Variants in BBS9 observed in about 807,000 individuals in gnomAD.
The protein encoded by BBS9 is Bardet-Biedl syndrome 9, also known as protein PTHB1.
Under a neutral mutation model 117.7 loss-of-function variants are expected in BBS9, and 89 were observed. The observed-to-expected ratio is 0.76, with a 90% CI of 0.64 to 0.90. The LOEUF (loss-of-function observed/expected upper bound fraction) is 0.90, where lower values mean the gene tolerates loss of function less well. Among genes scored for constraint, BBS9 ranks in the 40% least tolerant of loss-of-function variants. BBS9 has a pLI of 0.00. For missense variants in BBS9, 982 were observed against 1,042.2 expected (o/e 0.94, Z 0.80); for synonymous variants, 379 against 370.9 (o/e 1.02, Z -0.25).
At chr7:33,517,691 T>C (rs1207501767) in intron 20 of BBS9, among the ~76,000 whole-genome samples, 2 of 152,138 alleles carry the variant, frequency 1.3e-5, no homozygotes, top group Admixed American at 1.3e-4. Flanking sequence ...TAGTTCCAAT[T>C]TATAGATGAG....
chr7:33,148,749 C>T (rs1792823405), intron 2 of BBS9, among the ~76,000 whole-genome samples: 1 of 151,062 alleles, frequency 6.6e-6, no homozygotes, highest in African/African-American at 2.4e-5. Flanking sequence ...ACTGCAGCCT[C>T]AACCTCCCAG....
Position 33,578,385 on chromosome 7 carries a change from G to A in BBS9, c.2522-26480G>A, listed in dbSNP as rs540959514. Among the ~76,000 whole-genome samples the A allele has an allele frequency of 4.6e-5, 7 of 152,336 alleles. No individual in the cohort carries two copies. In the South Asian group the frequency reaches 6.2e-4, roughly 14 times the overall value. ...GACACTCCCAAGTGGGATGACTTGC[G>A]ATCCCAGAAATCACAATAGTTGTTC... On this transcript the variant is annotated intron_variant, in intron 21 of 22. Coordinates refer to ENST00000242067, the MANE Select transcript of BBS9 (RefSeq NM_198428.3).
chr7:33,288,664 C>T (rs574277067), intron 9 of BBS9, among the ~76,000 whole-genome samples: 1 of 151,994 alleles, frequency 6.6e-6, no homozygotes, highest in Non-Finnish European at 1.5e-5. Context: ...TGATAGTTAG[C>T]ATGAAGTATA....
At chr7:33,254,064 A>C (rs2128306612) in intron 5 of BBS9, among the ~76,000 whole-genome samples, 1 of 152,270 alleles carries the variant, frequency 6.6e-6, no homozygotes, top group South Asian at 2.1e-4. Flanking sequence ...TCTCTTTTTG[A>C]GATATATAGG....
intron 7 of BBS9, among the ~76,000 whole-genome samples, chr7:33,264,661 AT>A (rs1798514985): frequency 6.6e-6 from 1 of 152,144 alleles, no homozygotes; most frequent in Non-Finnish European, 1.5e-5. Context: ...CATTAAAAAA[AT>A]CTCTCCTTAA....
chr7:33,458,862 G>A (rs1839030534), intron 19 of BBS9, among the ~76,000 whole-genome samples: 1 of 152,134 alleles, frequency 6.6e-6, no homozygotes, highest in South Asian at 2.1e-4. Flanking sequence ...TGGGATTCCA[G>A]AAACTGTAGC....
chr7:33,217,679 G>A (rs1354736234), intron 5 of BBS9, among the ~76,000 whole-genome samples: 1 of 152,220 alleles, frequency 6.6e-6, no homozygotes, highest in Non-Finnish European at 1.5e-5. Context: ...CCAGTCTGAT[G>A]TTTAAAAGAA....
chr7:33,581,402 G>C (rs1859889650), intron 21 of BBS9, among the ~76,000 whole-genome samples: 1 of 151,992 alleles, frequency 6.6e-6, no homozygotes, highest in African/African-American at 2.4e-5. Context: ...CTTTACCTCA[G>C]CCTTAACTTG....
intron 21 of BBS9, among the ~76,000 whole-genome samples, chr7:33,546,642 C>G (rs1209589635): frequency 6.6e-6 from 1 of 152,124 alleles, no homozygotes; most frequent in East Asian, 1.9e-4. Context: ...ACTCATTATT[C>G]TCCACACACA....
At chr7:33,486,808 T>C (rs1049856162) in intron 19 of BBS9, among the ~76,000 whole-genome samples, 2 of 152,200 alleles carry the variant, frequency 1.3e-5, no homozygotes, top group African/African-American at 4.8e-5. Context: ...GCCATTCAGG[T>C]GAAAAGGGGA....
At chr7:33,429,971 A>G (rs1834198894) in intron 19 of BBS9, among the ~76,000 whole-genome samples, 1 of 152,202 alleles carries the variant, frequency 6.6e-6, no homozygotes, top group Non-Finnish European at 1.5e-5. Context: ...CTTGTGGCCC[A>G]TGAGGAAAGG....
At chr7:33,191,422 G>A (rs1784099288) in intron 5 of BBS9, among the ~76,000 whole-genome samples, 1 of 152,158 alleles carries the variant, frequency 6.6e-6, no homozygotes, top group Non-Finnish European at 1.5e-5. Context: ...ATGAAAGAGA[G>A]TGAAATAGGT....
At chr7:33,576,434 A>G (rs754961981) in intron 21 of BBS9, among the ~76,000 whole-genome samples, 1 of 152,234 alleles carries the variant, frequency 6.6e-6, no homozygotes, top group Non-Finnish European at 1.5e-5. Flanking sequence ...AGAACATTTC[A>G]TGCTCATGGA....
intron 21 of BBS9, among the ~76,000 whole-genome samples, chr7:33,565,807 A>ACCGC (rs1208870655): frequency 2.3e-4 from 12 of 52,272 alleles, no homozygotes; most frequent in African/African-American, 9.7e-4. Flanking sequence ...ATATATATAT[A>ACCGC]TATATATATA....
At chr7:33,357,120 A>G (rs1819734505) in intron 15 of BBS9, among the ~76,000 whole-genome samples, 1 of 151,910 alleles carries the variant, frequency 6.6e-6, no homozygotes. Flanking sequence ...ACAAATTCTA[A>G]TATGAAACTC....
intron 19 of BBS9, among the ~76,000 whole-genome samples, chr7:33,393,104 T>C (rs1584632869): frequency 6.6e-6 from 1 of 152,086 alleles, no homozygotes; most frequent in African/African-American, 2.4e-5. Flanking sequence ...AGGTTGAGGC[T>C]GCAATGAGCC....
At chr7:33,334,590 C>T (rs1260638300) in intron 9 of BBS9, among the ~76,000 whole-genome samples, 2 of 152,110 alleles carry the variant, frequency 1.3e-5, no homozygotes, top group African/African-American at 4.8e-5. Context: ...GCTTCAGTTA[C>T]CTGCAAAGAA....
At chr7:33,371,939 A>T (rs1822941236) in intron 17 of BBS9, among the ~76,000 whole-genome samples, 1 of 152,204 alleles carries the variant, frequency 6.6e-6, no homozygotes, top group Non-Finnish European at 1.5e-5. Flanking sequence ...AATGTTTTTA[A>T]TGAGACTGAT....
chr7:33,561,596 C>T (rs1856094605), intron 21 of BBS9, among the ~76,000 whole-genome samples: 1 of 152,066 alleles, frequency 6.6e-6, no homozygotes, highest in Non-Finnish European at 1.5e-5. Context: ...TAAAAATATG[C>T]CGTGCATCCA....
Sources: allele counts gnomAD v4.1 joint callset (sites outside exome capture counted in the v4.1 genomes callset), GRCh38; gene constraint gnomAD v4.1.1; transcripts MANE v1.5; gene names NCBI Gene and HGNC (gene_info 2026-07-23, HGNC 2026-07-21).